Variants in TTLL2 observed in about 807,000 individuals in gnomAD.
TTLL2 encodes probable tubulin polyglutamylase TTLL2.
In TTLL2, 10 loss-of-function variants were observed where a neutral mutation model predicts 7.5. That is an observed-to-expected ratio of 1.33 (90% CI 0.82 to 2.25). The LOEUF (loss-of-function observed/expected upper bound fraction) is 2.25. Ranked by LOEUF, TTLL2 falls within the 30% of genes most tolerant of loss-of-function variation. TTLL2 has a pLI of 0.00. For synonymous variants in TTLL2, 284 were observed against 280.3 expected (o/e 1.01, Z -0.13); for missense variants, 733 against 735.7 (o/e 1.00, Z 0.04).
At position 167,338,951 on chromosome 6, in the gene TTLL2, C is replaced by T. The variant is rs939386544; in HGVS notation, c.204+148C>T. On this transcript the variant is annotated intron_variant, in intron 2 of 2. Coordinates refer to ENST00000239587, the MANE Select transcript of TTLL2 (RefSeq NM_031949.5). The stretch of plus-strand genomic sequence containing the variant: ...CTCTCCTTCCTTCCCTTCCTCCTTC[C>T]TGCTCTCCCTCTTTCTTTCTCTGCT... 4 of 806,688 alleles carry T rather than the reference C, an allele frequency of 5.0e-6. No individual in the cohort carries two copies. The African/African-American group carries it at 5.4e-5, about 11-fold the overall frequency. 50.0% of individuals were successfully genotyped at this position (806,688 alleles called of 1,614,324 possible).
At chr6:167,332,151 C>A (rs958942301) in intron 1 of TTLL2, among the ~76,000 whole-genome samples, 1 of 152,102 alleles carries the variant, frequency 6.6e-6, no homozygotes, top group African/African-American at 2.4e-5. Flanking sequence ...ACACTGCGTC[C>A]GGGTGGGTGA....
intron 1 of TTLL2, among the ~76,000 whole-genome samples, chr6:167,327,099 G>A (rs1374866520): frequency 6.6e-6 from 1 of 152,120 alleles, no homozygotes; most frequent in African/African-American, 2.4e-5. Flanking sequence ...TTGAATCTTT[G>A]GTCAGCATTC....
intron 1 of TTLL2, among the ~76,000 whole-genome samples, chr6:167,336,694 C>A (rs574378130): frequency 1.6e-3 from 250 of 152,168 alleles, no homozygotes; most frequent in African/African-American, 5.8e-3. Context: ...AGAACGGGGG[C>A]TCGGCCTCAC....
At chr6:167,334,589 C>G (rs540897664) in intron 1 of TTLL2, among the ~76,000 whole-genome samples, 1 of 148,714 alleles carries the variant, frequency 6.7e-6, no homozygotes, top group Non-Finnish European at 1.5e-5. Context: ...GCTACAGTAA[C>G]CAAAACAGCA....
Position 167,325,971 on chromosome 6 carries a change from C to T in TTLL2, c.47+751C>T, listed in dbSNP as rs1340207658. Among the ~76,000 whole-genome samples, 6 of 152,128 alleles carry T rather than the reference C, an allele frequency of 3.9e-5. No individual in the cohort carries two copies. The East Asian group carries it at 1.2e-3, about 29-fold the overall frequency. Reference sequence around the variant, plus strand: ...ACAGCGGCCGAGAACGGGTGCAAGGCCGTGAGTGCCTGCCGGCCTGTAGCC... The same window carrying T: ...ACAGCGGCCGAGAACGGGTGCAAGGTCGTGAGTGCCTGCCGGCCTGTAGCC... On this transcript the variant is annotated intron_variant, in intron 1 of 2. Transcript: ENST00000239587.
intron 1 of TTLL2, among the ~76,000 whole-genome samples, chr6:167,327,045 GAA>G (rs906028189): frequency 6.7e-6 from 1 of 150,358 alleles, no homozygotes; most frequent in Non-Finnish European, 1.5e-5. Context: ...AAAGAGGAAG[GAA>G]AAAAAAAGGA....
Position 167,325,348 on chromosome 6 carries a change from C to T in TTLL2, c.47+128C>T, listed in dbSNP as rs1027265056. ...AGCAGCGAGTGTGCACTGGGACCCC[C>T]GAGGGGCAATTTGTAGTCAGCCCTT... is the stretch of plus-strand genomic sequence containing the variant. On this transcript the variant is annotated intron_variant, in intron 1 of 2. Coordinates refer to ENST00000239587, the MANE Select transcript of TTLL2 (RefSeq NM_031949.5). The T allele has an allele frequency of 2.0e-5, 18 of 885,498 alleles. No individual in the cohort carries two copies. In the East Asian group the frequency reaches 2.1e-4, roughly 10 times the overall value. 54.9% of individuals were successfully genotyped at this position (885,498 alleles called of 1,614,324 possible). A position where few individuals can be genotyped will look rare whatever the true frequency, so the allele number is the denominator to read the frequency against.
At position 167,340,257 on chromosome 6, in the gene TTLL2, G is replaced by A; in HGVS notation, c.357G>A (p.Glu119=). The A allele has an allele frequency of 1.9e-6, 3 of 1,614,086 alleles. No individual in the cohort carries two copies. Among genetic ancestry groups the A allele is most frequent in the Non-Finnish European group, 2.5e-6 (3 of 1,180,012 alleles). The change falls in exon 3 of 3, where the codon GAG becomes GAA. Residue 119 remains glutamate, a synonymous_variant. Coordinates refer to ENST00000239587, the MANE Select transcript of TTLL2 (RefSeq NM_031949.5). ...TTGATAAGCAGGAGCAGAACGCGGA[G>A]GACTGGAACCTGTACTGGAGGACAT... ...NKFDKQEQNA[E]DWNLYWRTSS...
At chr6:167,329,876 T>C (rs1321277082) in intron 1 of TTLL2, among the ~76,000 whole-genome samples, 3 of 152,188 alleles carry the variant, frequency 2.0e-5, no homozygotes, top group African/African-American at 7.2e-5. Context: ...TCTGATGTAT[T>C]ATAGGCTAGA....
Position 167,338,560 on chromosome 6 carries a change from G to T in TTLL2, c.48-87G>T, listed in dbSNP as rs73266975. The stretch of plus-strand genomic sequence containing the variant: ...CAACTGAATTTTAATAACCATGATG[G>T]ATTGATCAATTCTGTATGTTCCTTA... On this transcript the variant is annotated intron_variant, in intron 1 of 2. Transcript: ENST00000239587. 3.6e-3 allele frequency: 5,326 copies of T among 1,467,266 alleles called. 155 individuals carry two copies. In the African/African-American group the frequency reaches 0.067, roughly 18 times the overall value. 90.9% of individuals were successfully genotyped at this position (1,467,266 alleles called of 1,614,324 possible).
At chr6:167,327,950 T>C (rs908154443) in intron 1 of TTLL2, 1 of 455,136 alleles carries the variant, frequency 2.2e-6, no homozygotes, top group Non-Finnish European at 4.4e-6. Context: ...GGTATCAAGG[T>C]CACTTGAGAA....
At chr6:167,328,137 A>C (rs1348709390) in intron 1 of TTLL2, 1 of 456,256 alleles carries the variant, frequency 2.2e-6, no homozygotes, top group Non-Finnish European at 4.4e-6. Context: ...AATGTGAAGA[A>C]AAAGACTCTT....
At chr6:167,340,048 T>C in intron 2 of TTLL2, 57 bp from the exon 3 acceptor site, 1 of 1,516,646 alleles carries the variant, frequency 6.6e-7, no homozygotes, top group Non-Finnish European at 8.8e-7. Context: ...CTCAGAAAAA[T>C]CTACTAGGTT....
At position 167,330,648 on chromosome 6, in the gene TTLL2, C is replaced by T. The variant is rs566631465; in HGVS notation, c.47+5428C>T. ...AATGTAAAGGAAAAGATCTAGACCC[C>T]TGTACCCCTCCCTCCCTGCACTTTG... is the stretch of plus-strand genomic sequence containing the variant. On this transcript the variant is annotated intron_variant, in intron 1 of 2. Coordinates refer to ENST00000239587, the MANE Select transcript of TTLL2 (RefSeq NM_031949.5). Among the ~76,000 whole-genome samples, 582 of 152,224 alleles carry T rather than the reference C, an allele frequency of 3.8e-3. 4 individuals carry two copies. Among genetic ancestry groups the T allele is most frequent in the African/African-American group, 0.013 (553 of 41,512 alleles).
chr6:167,336,747 T>A lies in TTLL2; in HGVS notation c.48-1900T>A, dbSNP rs57083379. ...TTGCACTGAAGAGCTTGTGGTCTTG[T>A]TTGTTCCAAACAGGCAGTCTCTACC... On this transcript the variant is annotated intron_variant, in intron 1 of 2. Coordinates refer to ENST00000239587, the MANE Select transcript of TTLL2 (RefSeq NM_031949.5). 6.9e-3 allele frequency among the ~76,000 whole-genome samples: 1,057 copies of A among 152,250 alleles called. 12 individuals are homozygous for A. Among genetic ancestry groups the A allele is most frequent in the African/African-American group, 0.024 (1,002 of 41,518 alleles).
chr6:167,334,707 C>T, intron 1 of TTLL2, among the ~76,000 whole-genome samples: 1 of 112,682 alleles, frequency 8.9e-6, no homozygotes. Flanking sequence ...CTGAGAAAAA[C>T]AAGCAATGGG....
chr6:167,338,626 T>C (rs76991329), intron 1 of TTLL2, 21 bp from the exon 2 acceptor site: 1 of 1,603,060 alleles, frequency 6.2e-7, no homozygotes, highest in East Asian at 2.2e-5. Flanking sequence ...GTGTTCATTG[T>C]TGATGCTGCT....
intron 1 of TTLL2, among the ~76,000 whole-genome samples, chr6:167,326,174 G>A (rs1778846096): frequency 6.6e-6 from 1 of 152,142 alleles, no homozygotes. Context: ...TTGGGGCTGA[G>A]CGTACACATG....
At chr6:167,326,100 C>T (rs993298425) in intron 1 of TTLL2, among the ~76,000 whole-genome samples, 4 of 151,996 alleles carry the variant, frequency 2.6e-5, no homozygotes, top group Non-Finnish European at 4.4e-5. Flanking sequence ...CTAGTGATGG[C>T]GTTTGCGTTT....
Sources: allele counts gnomAD v4.1 joint callset (sites outside exome capture counted in the v4.1 genomes callset), GRCh38; gene constraint gnomAD v4.1.1; transcripts MANE v1.5; gene names NCBI Gene and HGNC (gene_info 2026-07-23, HGNC 2026-07-21).